GLI3: variants seen among roughly 807,000 people sequenced by gnomAD.
GLI3 encodes GLI family zinc finger 3, also known as transcription activator GLI3.
A neutral mutation model predicts 100.8 loss-of-function variants in GLI3; 20 were observed. That is an observed-to-expected ratio of 0.20 (90% CI 0.14 to 0.29). The LOEUF is 0.29. Ranked by LOEUF, GLI3 falls within the 10% of genes least tolerant of loss-of-function variation. GLI3 has a pLI of 1.00. For synonymous variants in GLI3, 938 were observed against 860.5 expected (o/e 1.09, Z -1.58); for missense variants, 2,040 against 2,128.5 (o/e 0.96, Z 0.82).
Position 42,035,537 on chromosome 7 carries a change from T to C in GLI3, c.1028+4501A>G, listed in dbSNP as rs370689982. Among the ~76,000 whole-genome samples the C allele has an allele frequency of 4.6e-4, 70 of 152,334 alleles. 1 individual carries two copies. In the East Asian group the frequency reaches 0.012, roughly 27 times the overall value. ...AATGTCATTTTCACTGAGATCTCTT[T>C]CCTGGTCACACCAGAATTAAAACCA... On this transcript the variant is annotated intron_variant, in intron 7 of 14. Transcript: ENST00000395925.
intron 2 of GLI3, among the ~76,000 whole-genome samples, chr7:42,192,999 C>G (rs1023095638): frequency 6.6e-6 from 1 of 152,182 alleles, no homozygotes; most frequent in Admixed American, 6.5e-5. Context: ...GATTAAGAGA[C>G]TGCAATCCAG....
chr7:42,258,706 C>T (rs1401251442), intron 1 of GLI3, among the ~76,000 whole-genome samples: 1 of 152,180 alleles, frequency 6.6e-6, no homozygotes, highest in Non-Finnish European at 1.5e-5. Context: ...TCACTGTAAC[C>T]TCACATGACA....
chr7:42,153,998 C>T (rs1054255203), intron 2 of GLI3, among the ~76,000 whole-genome samples: 14 of 151,966 alleles, frequency 9.2e-5, no homozygotes, highest in Non-Finnish European at 1.8e-4. Context: ...CCTCCCTGTC[C>T]CCTGTTAACA....
chr7:42,063,245 G>C (rs1784607123), intron 4 of GLI3, among the ~76,000 whole-genome samples: 1 of 151,940 alleles, frequency 6.6e-6, no homozygotes, highest in African/African-American at 2.4e-5. Context: ...GGGCTCTCAG[G>C]GGAAAAAATC....
chr7:42,046,215 G>T (rs1459075180), intron 5 of GLI3, among the ~76,000 whole-genome samples: 1 of 152,202 alleles, frequency 6.6e-6, no homozygotes, highest in Non-Finnish European at 1.5e-5. Flanking sequence ...TGCAAAAGCA[G>T]CAAGACATTG....
chr7:42,242,891 G>A (rs1253473603), intron 1 of GLI3, among the ~76,000 whole-genome samples: 1 of 152,128 alleles, frequency 6.6e-6, no homozygotes, highest in Admixed American at 6.5e-5. Context: ...GAAAATGGGG[G>A]CCACCCACCT....
At chr7:42,038,686 G>A (rs768869082) in intron 7 of GLI3, among the ~76,000 whole-genome samples, 7 of 152,164 alleles carry the variant, frequency 4.6e-5, no homozygotes, top group African/African-American at 1.4e-4. Context: ...GAAAAGCAGC[G>A]GAAAATGACA....
Position 42,060,073 on chromosome 7 carries a change from C to T in GLI3, c.474-11377G>A, listed in dbSNP as rs146260410. On this transcript the variant is annotated intron_variant, in intron 4 of 14. Transcript: ENST00000395925. ...CTGCTTTGCTCTCCAGCTACTTAAG[C>T]CCAGACAGAGAAGCGGCAGCACTGT... 1.1e-3 allele frequency among the ~76,000 whole-genome samples: 164 copies of T among 152,348 alleles called. 1 individual carries two copies. Among genetic ancestry groups the T allele is most frequent in the African/African-American group, 3.6e-3 (151 of 41,584 alleles).
intron 2 of GLI3, among the ~76,000 whole-genome samples, chr7:42,179,045 A>G (rs1787538471): frequency 6.6e-6 from 1 of 151,980 alleles, no homozygotes; most frequent in Non-Finnish European, 1.5e-5. Context: ...CCTAAATCTC[A>G]TCTTGAATTC....
intron 2 of GLI3, among the ~76,000 whole-genome samples, chr7:42,181,419 G>A (rs1447258775): frequency 2.6e-5 from 4 of 151,962 alleles, no homozygotes; most frequent in Non-Finnish European, 5.9e-5. Flanking sequence ...TGGGCAACAT[G>A]ATGAAACCCT....
intron 10 of GLI3, among the ~76,000 whole-genome samples, chr7:42,004,766 C>T (rs962887544): frequency 7.9e-5 from 12 of 152,150 alleles, no homozygotes; most frequent in Non-Finnish European, 1.3e-4. Flanking sequence ...CATAAACCAC[C>T]GTGCTGGGCC....
At chr7:41,976,116 T>G (rs958192829) in intron 12 of GLI3, among the ~76,000 whole-genome samples, 1 of 152,178 alleles carries the variant, frequency 6.6e-6, no homozygotes, top group Non-Finnish European at 1.5e-5. Context: ...TCCCCTCTGC[T>G]TTTGGCAACC....
At chr7:42,164,552 C>T (rs1427998432) in intron 2 of GLI3, among the ~76,000 whole-genome samples, 3 of 151,774 alleles carry the variant, frequency 2.0e-5, no homozygotes, top group Non-Finnish European at 1.5e-5. Context: ...AAATAATTGC[C>T]GAGCACGGTG....
intron 10 of GLI3, among the ~76,000 whole-genome samples, chr7:42,021,263 T>A (rs1788933938): frequency 6.6e-6 from 1 of 152,248 alleles, no homozygotes; most frequent in Non-Finnish European, 1.5e-5. Context: ...CTAAAATTAA[T>A]ATCATAAAGG....
chr7:42,050,053 T>C (rs1467813403), intron 4 of GLI3, among the ~76,000 whole-genome samples: 4 of 152,120 alleles, frequency 2.6e-5, no homozygotes, highest in Non-Finnish European at 5.9e-5. Context: ...GCGCAGACAC[T>C]GAAATAAATG....
Position 41,966,474 on chromosome 7 carries a change from T to A in GLI3, c.2599A>T (p.Ile867Phe). The A allele has an allele frequency of 1.2e-6, 2 of 1,613,222 alleles. No individual in the cohort carries two copies. The highest frequency in any genetic ancestry group is 1.7e-6 in the Non-Finnish European group (2 of 1,179,864). The change falls in exon 15 of 15, where the codon ATC (isoleucine) becomes TTC (phenylalanine). Residue 867 changes from isoleucine to phenylalanine, a missense_variant. Coordinates refer to ENST00000395925, the MANE Select transcript of GLI3 (RefSeq NM_000168.6). This position sits in a 1 kb window ranked among gnomAD's most constrained non-coding sequence, Gnocchi z 5.8. ...AYLSSRRSSG[I>F]SPCFSSRRSS... Reference sequence around the variant, plus strand: ...CGGCGGCTGGAGAAGCAGGGCGAGATCCCTGAGGAGCGGCGGCTGCTCAGG... The same window carrying A: ...CGGCGGCTGGAGAAGCAGGGCGAGAACCCTGAGGAGCGGCGGCTGCTCAGG...
intron 2 of GLI3, among the ~76,000 whole-genome samples, chr7:42,211,589 C>G (rs1165028238): frequency 6.6e-6 from 1 of 152,126 alleles, no homozygotes; most frequent in African/African-American, 2.4e-5. Context: ...TCAACCATGC[C>G]ATTGTTCTAA....
chr7:42,189,859 C>T (rs1453221852), intron 2 of GLI3, among the ~76,000 whole-genome samples: 2 of 152,036 alleles, frequency 1.3e-5, no homozygotes, highest in Non-Finnish European at 2.9e-5. Context: ...ATCAATTACT[C>T]TTGAAGTATT....
Position 41,962,576 on chromosome 7 carries a change from T to C in GLI3, c.*1754A>G, listed in dbSNP as rs1423891099. On this transcript the variant is annotated 3_prime_UTR_variant, in exon 15 of 15. Transcript: ENST00000395925. Reference sequence around the variant, plus strand: ...TGTCCCTCTGCTTGTCTCAGGAACATCTAGTTGAAAGCAAACCTAATAGTC... The same window carrying C: ...TGTCCCTCTGCTTGTCTCAGGAACACCTAGTTGAAAGCAAACCTAATAGTC... The C allele has an allele frequency of 6.6e-6, 1 of 152,134 alleles. No homozygotes were observed. Among genetic ancestry groups the C allele is most frequent in the Non-Finnish European group, 1.5e-5 (1 of 68,036 alleles). The allele number at this position is 152,134 out of a possible 1,614,324, so 9.4% of individuals were successfully genotyped here. A position where few individuals can be genotyped will look rare whatever the true frequency, so the allele number is the denominator to read the frequency against.
Sources: gnomAD v4.1 joint callset for allele counts (sites outside exome capture counted in the v4.1 genomes callset) on GRCh38, gnomAD v4.1.1 for gene constraint, Gnocchi (gnomAD v3.1) non-coding constraint, MANE v1.5 for transcripts, NCBI Gene and HGNC (gene_info 2026-07-23, HGNC 2026-07-21) for gene names.